Variants in PSME4 observed in about 807,000 individuals in gnomAD.
PSME4 encodes proteasome activator complex subunit 4.
PSME4 carries 89 observed loss-of-function variants against 253.9 expected under a neutral mutation model. The observed-to-expected ratio is 0.35, with a 90% CI of 0.30 to 0.42. PSME4 has a LOEUF of 0.42. PSME4 is among the 10% of genes least tolerant of loss of function. The pLI, the probability that PSME4 is intolerant of heterozygous loss-of-function variation, is 1.00. For synonymous variants in PSME4, 851 were observed against 759.2 expected, an observed-to-expected ratio of 1.12 and a Z score of -1.99; for missense variants, 2,014 against 2,195.2, an observed-to-expected ratio of 0.92 and a Z score of 1.65.
intron 23 of PSME4, 43 bp downstream of exon 23, chr2:53,908,467 T>C: frequency 6.2e-7 from 1 of 1,611,372 alleles, no homozygotes; most frequent in Non-Finnish European, 8.5e-7. Context: ...AATCCAAGCT[T>C]GATCGTATTA....
At chr2:53,970,398 G>A in intron 1 of PSME4, 145 bp downstream of exon 1, 1 of 1,381,448 alleles carries the variant, frequency 7.2e-7, no homozygotes, top group Non-Finnish European at 9.7e-7. Context: ...CACAGGCTCT[G>A]TCACGACCCT....
chr2:53,906,578 A>T lies in PSME4; in HGVS notation c.2943+20T>A. 1 of 1,522,594 alleles carries T rather than the reference A, an allele frequency of 6.6e-7. No individual in the cohort carries two copies. Among genetic ancestry groups the T allele is most frequent in the Non-Finnish European group, 8.8e-7 (1 of 1,137,404 alleles). The allele number at this position is 1,522,594 out of a possible 1,614,324, so 94.3% of individuals were successfully genotyped here. ...ATAAAATGGGAGGGCATGAGAGTGC[A>T]GCGTTTGGATAAGCCTTACCTGACT... On this transcript the variant is annotated intron_variant, in intron 26 of 46. Transcript: ENST00000404125.
At chr2:53,918,624 T>C (rs805328) in intron 20 of PSME4, among the ~76,000 whole-genome samples, 44,578 of 152,074 alleles carry the variant, frequency 0.29, 6,954 homozygotes, top group South Asian at 0.48. Flanking sequence ...CTGCTGATTT[T>C]ATTCTAACTT....
intron 4 of PSME4, among the ~76,000 whole-genome samples, chr2:53,938,475 T>C (rs1669229613): frequency 7.5e-6 from 1 of 134,138 alleles, no homozygotes; most frequent in East Asian, 2.1e-4. Flanking sequence ...CTTAATGGGC[T>C]TTTTTTTTTT....
At chr2:53,942,312 A>G (rs936518811) in intron 3 of PSME4, 3 of 152,586 alleles carry the variant, frequency 2.0e-5, no homozygotes, top group Admixed American at 1.3e-4. Flanking sequence ...ATCACTAAAT[A>G]CTTTCCAACT....
chr2:53,880,160 A>G (rs1276323354), intron 41 of PSME4, among the ~76,000 whole-genome samples: 1 of 152,204 alleles, frequency 6.6e-6, no homozygotes, highest in Non-Finnish European at 1.5e-5. Flanking sequence ...CAAAAGCTTA[A>G]AAGTGGTAAA....
chr2:53,913,759 G>A (rs535339580), intron 20 of PSME4, among the ~76,000 whole-genome samples: 1 of 152,304 alleles, frequency 6.6e-6, no homozygotes, highest in Admixed American at 6.5e-5. Flanking sequence ...TATGTTGCTA[G>A]ATTTTAAATT....
chr2:53,921,000 A>G lies in PSME4; in HGVS notation c.2151T>C (p.Ser717=). 6.2e-7 allele frequency: 1 copy of G among 1,613,792 alleles called. No homozygotes were observed. Among genetic ancestry groups the G allele is most frequent in the South Asian group, 1.1e-5 (1 of 91,072 alleles). The change falls in exon 18 of 47, where the codon TCT becomes TCC. Residue 717 remains serine (S), a synonymous_variant. Transcript: ENST00000404125. ...GGAGAAGATGATGCAAAAGGTTACA[A>G]GACAGAGTGTAACCCTGCTTACAGG... is the stretch of plus-strand genomic sequence containing the variant. ...HLTCKQGYTL[S]CNLLHHLLRS...
intron 1 of PSME4, among the ~76,000 whole-genome samples, chr2:53,958,059 G>A (rs766894855): frequency 2.6e-5 from 4 of 151,630 alleles, no homozygotes; most frequent in South Asian, 2.1e-4. Flanking sequence ...GGTGGCACAC[G>A]CCTGTAGTCC....
At chr2:53,919,343 T>C in intron 19 of PSME4, 97 bp from the exon 20 acceptor site, 2 of 1,395,768 alleles carry the variant, frequency 1.4e-6, no homozygotes, top group Non-Finnish European at 1.9e-6. Flanking sequence ...GGGATATAAA[T>C]GATTAAGGTA....
chr2:53,910,673 A>G (rs997932246), intron 20 of PSME4, among the ~76,000 whole-genome samples: 1 of 152,210 alleles, frequency 6.6e-6, no homozygotes, highest in African/African-American at 2.4e-5. Flanking sequence ...CCCTGAGCCT[A>G]TAAGCGGTAG....
intron 41 of PSME4, among the ~76,000 whole-genome samples, chr2:53,877,602 G>C (rs1032600208): frequency 1.3e-5 from 2 of 152,070 alleles, no homozygotes; most frequent in African/African-American, 4.8e-5. Flanking sequence ...CCTACTTAAC[G>C]GGATTCCTGC....
chr2:53,921,697 T>G, intron 17 of PSME4, among the ~76,000 whole-genome samples: 1 of 132,868 alleles, frequency 7.5e-6, no homozygotes, highest in African/African-American at 2.8e-5. Flanking sequence ...TGAAACCCCG[T>G]CTCTACTAAA....
At chr2:53,930,797 C>T (rs547964320) in intron 10 of PSME4, among the ~76,000 whole-genome samples, 1 of 152,230 alleles carries the variant, frequency 6.6e-6, no homozygotes, top group Admixed American at 6.5e-5. Context: ...CACTAGGGAC[C>T]TTGGACAAAT....
chr2:53,883,491 T>TG (rs1020841478), intron 41 of PSME4, among the ~76,000 whole-genome samples: 17 of 151,882 alleles, frequency 1.1e-4, no homozygotes, highest in East Asian at 7.7e-4. Context: ...AAAAAAGCGG[T>TG]GGGGGGGTGC....
At chr2:53,963,359 C>T (rs939347923) in intron 1 of PSME4, among the ~76,000 whole-genome samples, 7 of 152,150 alleles carry the variant, frequency 4.6e-5, no homozygotes, top group Admixed American at 2.6e-4. Flanking sequence ...AAAGAAAGAG[C>T]GCACTGAAAC....
chr2:53,945,917 T>A (rs1273986888), intron 3 of PSME4, among the ~76,000 whole-genome samples: 1 of 152,180 alleles, frequency 6.6e-6, no homozygotes. Context: ...TAATTACAAT[T>A]ACAAAATGAA....
chr2:53,924,580 T>C (rs947328655), intron 14 of PSME4, among the ~76,000 whole-genome samples: 1 of 152,206 alleles, frequency 6.6e-6, no homozygotes, highest in Non-Finnish European at 1.5e-5. Flanking sequence ...AAAACTCAGC[T>C]GAGTAACTGT....
chr2:53,939,978 T>C lies in PSME4; in HGVS notation c.523A>G (p.Thr175Ala). 4.4e-6 allele frequency: 7 copies of C among 1,594,966 alleles called. No homozygotes were observed. The highest frequency in any genetic ancestry group is 6.0e-6 in the Non-Finnish European group (7 of 1,165,972). ...TACGGTCGGCAGCTTTTCACGAGTG[T>C]TTTGAGAATATTTTCTACAGAACTG... ...FPNSVENILK[T>A]LVKSCRPYFP... The change falls in exon 4 of 47, where the codon ACA (threonine) becomes GCA (alanine). Residue 175 changes from threonine (T) to alanine (A), a missense_variant. By Grantham distance (58) the Thr-to-Ala change is moderately conservative. Transcript: ENST00000404125.
Sources: allele counts gnomAD v4.1 joint callset (sites outside exome capture counted in the v4.1 genomes callset), GRCh38; gene constraint gnomAD v4.1.1; transcripts MANE v1.5; gene names NCBI Gene and HGNC (gene_info 2026-07-23, HGNC 2026-07-21).